Variants in PDXDC1 observed in about 807,000 individuals in gnomAD.
PDXDC1 encodes the protein pyridoxal-dependent decarboxylase domain-containing protein 1.
In PDXDC1, 42 loss-of-function variants were observed where a neutral mutation model predicts 100.1. That is an observed-to-expected ratio of 0.42 (90% CI 0.33 to 0.54). PDXDC1 has a LOEUF of 0.54. Among genes scored for constraint, PDXDC1 ranks in the 20% least tolerant of loss-of-function variants. The pLI, the probability that PDXDC1 is intolerant of heterozygous loss-of-function variation, is 0.10. For missense variants in PDXDC1, 636 were observed against 979.2 expected (o/e 0.65, Z 4.68); for synonymous variants, 260 against 371.7 (o/e 0.70, Z 3.46).
chr16:15,133,787 G>A (rs2048221122), intron 16 of PDXDC1: 4 of 1,587,266 alleles, frequency 2.5e-6, no homozygotes, highest in Non-Finnish European at 3.4e-6. Flanking sequence ...AAGCAGGCCT[G>A]TACTCACCCG....
intron 16 of PDXDC1, chr16:15,071,024 A>G: frequency 9.2e-7 from 1 of 1,086,120 alleles, no homozygotes; most frequent in Non-Finnish European, 1.3e-6. Flanking sequence ...CTTTAAAAAC[A>G]TGCCAAAAAA....
At chr16:15,094,133 C>T (rs759923851) in intron 16 of PDXDC1, 6 of 1,588,792 alleles carry the variant, frequency 3.8e-6, no homozygotes. Flanking sequence ...AAGGAAGCGG[C>T]CTGAATCTTA....
chr16:15,065,377 G>C lies in PDXDC1; in HGVS notation c.1399+35321G>C, dbSNP rs563336998. 55 of 1,610,188 alleles carry C rather than the reference G, an allele frequency of 3.4e-5. No homozygotes were observed. In the East Asian group the frequency reaches 1.1e-3, roughly 33 times the overall value. On this transcript the variant is annotated intron_variant, in intron 16 of 16. Transcript: ENST00000535621. The stretch of plus-strand genomic sequence containing the variant: ...AGAAGACGAGCTGGTACTTACTGTG[G>C]AACAAAAAAACAACACAGACAGAGG...
chr16:15,086,507 A>C, intron 16 of PDXDC1: 1 of 1,606,472 alleles, frequency 6.2e-7, no homozygotes, highest in East Asian at 2.2e-5. Flanking sequence ...AACATAACAG[A>C]AATTTACAGC....
intron 16 of PDXDC1, chr16:15,132,994 AC>A: frequency 6.8e-7 from 1 of 1,466,154 alleles, no homozygotes; most frequent in Non-Finnish European, 9.3e-7. Context: ...GTGGGCATTG[AC>A]CCGCAACACT....
At chr16:14,989,058 A>T in intron 1 of PDXDC1, 1 of 1,614,242 alleles carries the variant, frequency 6.2e-7, no homozygotes, top group East Asian at 2.2e-5. Context: ...GCAGGAGAGC[A>T]TGTAATAGAG....
rs531254654 is a variant in PDXDC1, at chr16:15,106,652, G to A, written c.1400-32227G>A. 3.1e-3 allele frequency among the ~76,000 whole-genome samples: 458 copies of A among 147,736 alleles called. 30 individuals carry two copies. Among genetic ancestry groups the A allele is most frequent in the Admixed American group, 6.9e-3 (101 of 14,690 alleles). ...CACCTGTAAGCCCAGCTACTCGGGA[G>A]GCTGAGGCAGGGGAATCACTTGAAC... On this transcript the variant is annotated intron_variant, in intron 16 of 16. Transcript: ENST00000535621.
intron 16 of PDXDC1, among the ~76,000 whole-genome samples, chr16:15,085,882 T>C (rs2045898914): frequency 6.6e-6 from 1 of 152,158 alleles, no homozygotes; most frequent in Non-Finnish European, 1.5e-5. Flanking sequence ...CTTTATAGTT[T>C]TTAAACGGCT....
chr16:15,073,179 T>C (rs1597914790), intron 16 of PDXDC1: 2 of 1,378,514 alleles, frequency 1.5e-6, no homozygotes, highest in East Asian at 2.3e-5. Flanking sequence ...AAAACAACAT[T>C]ATCCAGCCAA....
the PDXDC1 span, among the ~76,000 whole-genome samples, chr16:15,144,572 C>T: frequency 3.3e-5 from 5 of 152,116 alleles, no homozygotes; most frequent in African/African-American, 9.7e-5. Context: ...CTCTGGGTCC[C>T]GGACACGGGG....
chr16:15,140,335 T>C (rs997619104), downstream of PDXDC1, among the ~76,000 whole-genome samples: 4 of 147,442 alleles, frequency 2.7e-5, no homozygotes, highest in Admixed American at 6.8e-5. Flanking sequence ...TTCCAGCTAC[T>C]CAGGAGGCTT....
chr16:15,135,648 C>T lies in PDXDC1; in HGVS notation c.1400-3231C>T, dbSNP rs1440732417. 3.8e-6 allele frequency: 6 copies of T among 1,589,978 alleles called. No homozygotes were observed. In the Admixed American group the frequency reaches 5.1e-5, roughly 13 times the overall value. ...GGAGGACGGCCCTGCCACGCACTGA[C>T]CTGTGTCGAAGCCACACAGGCCCAC... On this transcript the variant is annotated intron_variant, in intron 16 of 16. Transcript: ENST00000535621.
chr16:15,069,473 A>G (rs1326051645), intron 16 of PDXDC1, among the ~76,000 whole-genome samples: 5 of 152,228 alleles, frequency 3.3e-5, no homozygotes, highest in East Asian at 1.9e-4. Context: ...CACTAATCTA[A>G]TAAGTTTCAA....
intron 16 of PDXDC1, chr16:15,073,062 T>C: frequency 1.2e-6 from 2 of 1,611,776 alleles, no homozygotes; most frequent in South Asian, 2.2e-5. Context: ...ATCCTTTGTT[T>C]TGCCGTTATC....
chr16:15,032,006 TA>T, intron 17 of PDXDC1, 100 bp downstream of exon 17: 1 of 1,037,462 alleles, frequency 9.6e-7, no homozygotes, highest in Non-Finnish European at 1.4e-6. Flanking sequence ...GATGAACGTG[TA>T]GTCACAATAT....
chr16:15,124,068 C>G (rs1210776451), intron 16 of PDXDC1, among the ~76,000 whole-genome samples: 1 of 152,328 alleles, frequency 6.6e-6, no homozygotes, highest in South Asian at 2.1e-4. Context: ...ACTGGCCTCT[C>G]AGGGACGTCC....
At chr16:15,018,236 A>G (rs1207733928) in intron 11 of PDXDC1, among the ~76,000 whole-genome samples, 14 of 152,308 alleles carry the variant, frequency 9.2e-5, no homozygotes, top group Admixed American at 7.8e-4. Flanking sequence ...CCTCATCTCT[A>G]TAAGAAAAAA....
chr16:15,093,886 A>T lies in PDXDC1; in HGVS notation c.1400-44993A>T, dbSNP rs559628846. 944 of 520,468 alleles carry T rather than the reference A, an allele frequency of 1.8e-3. 10 individuals are homozygous for T. Among genetic ancestry groups the T allele is most frequent in the African/African-American group, 0.017 (858 of 49,964 alleles). The allele number at this position is 520,468 out of a possible 1,614,324, so 32.2% of individuals were successfully genotyped here. A position where few individuals can be genotyped will look rare whatever the true frequency, so the allele number is the denominator to read the frequency against. Reference sequence around the variant, plus strand: ...GGTCAAGGCGCAGAAGGCAGTACCCAGGCCTGGGAAATCACGAAGAGACAC... The same window carrying T: ...GGTCAAGGCGCAGAAGGCAGTACCCTGGCCTGGGAAATCACGAAGAGACAC... On this transcript the variant is annotated intron_variant, in intron 16 of 16. Transcript: ENST00000535621.
At chr16:14,991,677 C>T (rs1345513532) in intron 1 of PDXDC1, among the ~76,000 whole-genome samples, 2 of 152,272 alleles carry the variant, frequency 1.3e-5, no homozygotes, top group Non-Finnish European at 2.9e-5. Context: ...CACTACCATG[C>T]CCGGCTTACT....
Sources: gnomAD v4.1 joint callset for allele counts (sites outside exome capture counted in the v4.1 genomes callset) on GRCh38, gnomAD v4.1.1 for gene constraint, MANE v1.5 for transcripts, NCBI Gene and HGNC (gene_info 2026-07-23, HGNC 2026-07-21) for gene names.